NAPA: variants seen among roughly 807,000 people sequenced by gnomAD.
NAPA encodes alpha-soluble NSF attachment protein.
Under a neutral mutation model 48.0 loss-of-function variants are expected in NAPA, and 18 were observed. The ratio of observed to expected loss-of-function variants is 0.38; its 90% confidence interval spans 0.26 to 0.56. The LOEUF (loss-of-function observed/expected upper bound fraction) is 0.56, where lower values mean the gene tolerates loss of function less well. NAPA is among the 20% of genes least tolerant of loss of function. The pLI is 0.77. For missense variants in NAPA, 315 were observed against 385.0 expected (o/e 0.82, Z 1.52); for synonymous variants, 152 against 149.9 (o/e 1.01, Z -0.10).
chr19:47,494,156 C>T (rs1041834491), intron 4 of NAPA, among the ~76,000 whole-genome samples: 7 of 152,230 alleles, frequency 4.6e-5, no homozygotes, highest in Non-Finnish European at 8.8e-5. Context: ...TGGGCTCAGC[C>T]AGACCTTGTT....
downstream of NAPA, among the ~76,000 whole-genome samples, chr19:47,486,880 C>T (rs760667485): frequency 1.6e-4 from 25 of 152,228 alleles, no homozygotes; most frequent in Non-Finnish European, 2.9e-4. Flanking sequence ...GAGCCCCTCT[C>T]CCAGGAGTCC....
rs777186041 is a variant in NAPA at position 47,493,470 on chromosome 19, C to T, written c.366G>A (p.Lys122=). The part of the protein sequence containing the change: ...TDMGRFTIAA[K]HHISIAEIYE... ...AGATCTCAGCAATGGAGATGTGGTG[C>T]TTGGCCGCAATCGTGAATCGGCCCT... Residue 122 remains lysine (K), a synonymous_variant, in exon 5 of 11, where the codon AAG becomes AAA. Coordinates refer to ENST00000263354, the MANE Select transcript of NAPA (RefSeq NM_003827.4). The surrounding 1 kb of genome is among the most constrained non-coding windows in gnomAD (Gnocchi z 6.4). 1.2e-6 allele frequency: 2 copies of T among 1,614,046 alleles called. No individual in the cohort carries two copies. Among genetic ancestry groups the T allele is most frequent in the Non-Finnish European group, 1.7e-6 (2 of 1,179,994 alleles).
chr19:47,496,765 G>T (rs1303227638), intron 3 of NAPA: 8 of 430,538 alleles, frequency 1.9e-5, no homozygotes, highest in Non-Finnish European at 3.7e-5. Context: ...TCTGGACAGA[G>T]GCTCTTTGTC....
intron 3 of NAPA, among the ~76,000 whole-genome samples, chr19:47,497,954 A>G (rs967802259): frequency 2.6e-5 from 4 of 152,202 alleles, no homozygotes; most frequent in African/African-American, 9.7e-5. Flanking sequence ...GCCTGGGAAG[A>G]GGCCTCGCTG....
At chr19:47,494,792 C>T (rs552725710) in intron 4 of NAPA, among the ~76,000 whole-genome samples, 1 of 149,902 alleles carries the variant, frequency 6.7e-6, no homozygotes, top group Non-Finnish European at 1.5e-5. Context: ...GGAGCCCCGG[C>T]CTGGGTGGGA....
chr19:47,493,391 C>A lies in NAPA; in HGVS notation c.420+25G>T. ...GCAGCACTGGTCCTGGCTGCCAGCC[C>A]ATGCAGGGCCCTGCTGCCACTCACC... On this transcript the variant is annotated intron_variant, in intron 5 of 10. Transcript: ENST00000263354. The surrounding 1 kb of genome is among the most constrained non-coding windows in gnomAD (Gnocchi z 6.4). 6.2e-7 allele frequency: 1 copy of A among 1,612,028 alleles called. No homozygotes were observed. The highest frequency in any genetic ancestry group is 8.5e-7 in the Non-Finnish European group (1 of 1,178,260).
Position 47,493,051 on chromosome 19 carries a change from T to C in NAPA, c.477-6A>G. The C allele has an allele frequency of 6.2e-7, 1 of 1,613,944 alleles. No homozygotes were observed. The highest frequency in any genetic ancestry group is 8.5e-7 in the Non-Finnish European group (1 of 1,179,954). ...GCAGACACTTGTTGGCTGAGCTGTG[T>C]GGGGAGGAGTAGTGAGGGGAAGTGG... On this transcript the variant is annotated splice_polypyrimidine_tract_variant and splice_region_variant and intron_variant, in intron 6 of 10. Coordinates refer to ENST00000263354, the MANE Select transcript of NAPA (RefSeq NM_003827.4). The surrounding 1 kb of genome is among the most constrained non-coding windows in gnomAD (Gnocchi z 6.4).
At chr19:47,492,618 G>T (rs1968302724) in intron 7 of NAPA, 1 of 449,542 alleles carries the variant, frequency 2.2e-6, no homozygotes, top group Non-Finnish European at 4.2e-6. Context: ...CCATGGGGTG[G>T]GGTGCCCACG....
At chr19:47,495,890 C>T in intron 3 of NAPA, 1 of 434,422 alleles carries the variant, frequency 2.3e-6, no homozygotes, top group Non-Finnish European at 4.3e-6. Flanking sequence ...CTTCCCACAA[C>T]CCCAGGGACA....
rs879603881 is a variant in NAPA at position 47,493,281 on chromosome 19, C to T, written c.421-107G>A. ...CTGCCTGCCTGGGACACAGCCAGACCCCATTCTCCAAGCTCTGCCGGCGCC... is the reference window on the plus strand; with the variant it reads ...CTGCCTGCCTGGGACACAGCCAGACTCCATTCTCCAAGCTCTGCCGGCGCC... On this transcript the variant is annotated intron_variant, in intron 5 of 10. Transcript: ENST00000263354. The surrounding 1 kb of genome is among the most constrained non-coding windows in gnomAD (Gnocchi z 6.4). The T allele has an allele frequency of 2.7e-6, 4 of 1,485,492 alleles. No homozygotes were observed. In the African/African-American group the frequency reaches 5.5e-5, roughly 21 times the overall value. The allele number at this position is 1,485,492 out of a possible 1,614,324, so 92.0% of individuals were successfully genotyped here. A position where few individuals can be genotyped will look rare whatever the true frequency, so the allele number is the denominator to read the frequency against.
At chr19:47,485,891 G>A (rs1968060134), downstream of NAPA, among the ~76,000 whole-genome samples, 1 of 152,294 alleles carries the variant, frequency 6.6e-6, no homozygotes, top group South Asian at 2.1e-4. Context: ...TGGGTCTAGT[G>A]CCACTTCAGC....
chr19:47,509,348 ATAAAT>A (rs1968760976), intron 1 of NAPA, among the ~76,000 whole-genome samples: 3 of 119,460 alleles, frequency 2.5e-5, no homozygotes, highest in African/African-American at 1.1e-4. Flanking sequence ...ATAAAATAAA[ATAAAT>A]AAAATAAAAT....
intron 1 of NAPA, among the ~76,000 whole-genome samples, chr19:47,508,652 G>A (rs1968741706): frequency 6.6e-6 from 1 of 152,034 alleles, no homozygotes; most frequent in African/African-American, 2.4e-5. Flanking sequence ...TCGACCTGGG[G>A]CTAGTTATCC....
At position 47,488,340 on chromosome 19, in the gene NAPA, A is replaced by G. The variant is rs773610125; in HGVS notation, c.836T>C (p.Met279Thr). Residue 279 changes from methionine (M) to threonine (T), a missense_variant, in exon 11 of 11, where the codon ATG becomes ACG. Met to Thr is a moderately conservative substitution (Grantham distance 81, BLOSUM62 -1). Transcript: ENST00000263354. Reference protein sequence around the residue: ...ISRLDQWLTTMLLRIKKTIQG... With the variant: ...ISRLDQWLTTTLLRIKKTIQG... Reference sequence around the variant, plus strand: ...GATGGTCTTCTTGATGCGCAGCAGCATGGTGGTGAGCCACTGGTCCAGCCG... The same window carrying G: ...GATGGTCTTCTTGATGCGCAGCAGCGTGGTGGTGAGCCACTGGTCCAGCCG... The G allele has an allele frequency of 6.2e-7, 1 of 1,613,730 alleles. No individual in the cohort carries two copies. Among genetic ancestry groups the G allele is most frequent in the Admixed American group, 1.7e-5 (1 of 60,008 alleles).
At chr19:47,501,881 G>T (rs1287747031) in intron 2 of NAPA, among the ~76,000 whole-genome samples, 1 of 152,164 alleles carries the variant, frequency 6.6e-6, no homozygotes, top group Non-Finnish European at 1.5e-5. Context: ...GTTTTGAGCA[G>T]CAGAAAAGAC....
In NAPA at chr19:47,496,199, GCC is replaced by G. The variant is rs535759873; in HGVS notation, c.296-605_296-604del. Reference sequence around the variant, plus strand: ...CTGAGCCCTCAGTGTGCTCTCCACTGCCCCCTCTTCCTCGTAGCTCAGCAGTC... The same window carrying G: ...CTGAGCCCTCAGTGTGCTCTCCACTGCCCTCTTCCTCGTAGCTCAGCAGTC... On this transcript the variant is annotated intron_variant, in intron 3 of 10. Coordinates refer to ENST00000263354, the MANE Select transcript of NAPA (RefSeq NM_003827.4). The G allele has an allele frequency of 2.3e-3, 358 of 154,144 alleles. 1 individual carries two copies. The highest frequency in any genetic ancestry group is 3.5e-3 in the Non-Finnish European group (245 of 69,380). 9.5% of individuals were successfully genotyped at this position (154,144 alleles called of 1,614,324 possible). A position where few individuals can be genotyped will look rare whatever the true frequency, so the allele number is the denominator to read the frequency against.
At chr19:47,492,388 A>G (rs749537081) in intron 7 of NAPA, 438 of 474,976 alleles carry the variant, frequency 9.2e-4, no homozygotes, top group Admixed American at 2.0e-3. Flanking sequence ...AGCCTGAGAC[A>G]GTGGGAAGGA....
chr19:47,499,609 A>C (rs969343679), intron 3 of NAPA, among the ~76,000 whole-genome samples: 2 of 152,242 alleles, frequency 1.3e-5, no homozygotes, highest in African/African-American at 4.8e-5. Context: ...AGGCCAACGC[A>C]TGAGATGCCC....
rs776041056 is a variant in NAPA, at chr19:47,490,737, C to A, written c.735+51G>T. Reference sequence around the variant, plus strand: ...CGATTGTCCCACCTGGAGCCCCAGCCACCCCCGTCTGAGGTTCGGGAAGGG... The same window carrying A: ...CGATTGTCCCACCTGGAGCCCCAGCAACCCCCGTCTGAGGTTCGGGAAGGG... On this transcript the variant is annotated intron_variant, in intron 9 of 10. Transcript: ENST00000263354. 8.4e-6 allele frequency: 13 copies of A among 1,550,330 alleles called. No individual in the cohort carries two copies. The South Asian group carries it at 1.4e-4, about 16-fold the overall frequency.
Sources: allele counts gnomAD v4.1 joint callset (sites outside exome capture counted in the v4.1 genomes callset), GRCh38; gene constraint gnomAD v4.1.1; non-coding constraint Gnocchi (gnomAD v3.1); transcripts MANE v1.5; gene names NCBI Gene and HGNC (gene_info 2026-07-23, HGNC 2026-07-21).